Variants in ERG observed in about 807,000 individuals in gnomAD.
ERG encodes ETS transcription factor ERG.
Under a neutral mutation model 55.3 loss-of-function variants are expected in ERG, and 9 were observed. The observed-to-expected ratio is 0.16, with a 90% CI of 0.10 to 0.28. The LOEUF is 0.28. Ranked by LOEUF, ERG falls within the 10% of genes least tolerant of loss-of-function variation. The pLI is 1.00. For missense variants in ERG, 434 were observed against 631.6 expected (o/e 0.69, Z 3.35); for synonymous variants, 223 against 237.3 (o/e 0.94, Z 0.55).
downstream of ERG, among the ~76,000 whole-genome samples, chr21:38,378,260 A>G (rs1256337709): frequency 6.6e-6 from 1 of 152,232 alleles, no homozygotes; most frequent in African/African-American, 2.4e-5. Flanking sequence ...TGGACCGAAG[A>G]AGACCTAAAT....
At chr21:38,511,909 T>C (rs2059514729) in intron 2 of ERG, among the ~76,000 whole-genome samples, 2 of 152,202 alleles carry the variant, frequency 1.3e-5, no homozygotes, top group African/African-American at 4.8e-5. Flanking sequence ...TCTTTAGACA[T>C]GGCCAACTGT....
At chr21:38,436,939 G>C (rs1447128475) in intron 2 of ERG, among the ~76,000 whole-genome samples, 1 of 148,774 alleles carries the variant, frequency 6.7e-6, no homozygotes, top group African/African-American at 2.5e-5. Context: ...TGTCACTGGA[G>C]TGCAGTGCCG....
At chr21:38,618,805 T>C (rs16996585) in intron 1 of ERG, among the ~76,000 whole-genome samples, 11,802 of 152,238 alleles carry the variant, frequency 0.078, 906 homozygotes, top group African/African-American at 0.21. Flanking sequence ...ACTAGCAGTG[T>C]GACATTGCTC....
intron 1 of ERG, among the ~76,000 whole-genome samples, chr21:38,582,631 C>T (rs1451017358): frequency 6.6e-6 from 1 of 152,140 alleles, no homozygotes; most frequent in Non-Finnish European, 1.5e-5. Context: ...AATTATGCCT[C>T]AGAAAGAAAA....
At chr21:38,484,875 T>C (rs1461606974) in intron 1 of ERG, among the ~76,000 whole-genome samples, 1 of 152,214 alleles carries the variant, frequency 6.6e-6, no homozygotes, top group African/African-American at 2.4e-5. Flanking sequence ...TTGCCAGTTG[T>C]ATAAAGTATA....
intron 1 of ERG, chr21:38,451,309 C>T (rs752929018): frequency 2.2e-5 from 10 of 446,234 alleles, no homozygotes; most frequent in African/African-American, 4.0e-5. Context: ...TAGCAATGGG[C>T]CCTGCATACA....
intron 1 of ERG, among the ~76,000 whole-genome samples, chr21:38,494,237 C>A (rs1379077285): frequency 1.3e-5 from 2 of 152,142 alleles, no homozygotes; most frequent in Non-Finnish European, 2.9e-5. Context: ...AAGGAGGGGA[C>A]AAGAAGGCTC....
chr21:38,606,065 TAGAG>T (rs146994753), intron 1 of ERG, among the ~76,000 whole-genome samples: 28,652 of 151,648 alleles, frequency 0.19, 3,386 homozygotes, highest in Non-Finnish European at 0.27. Context: ...TGATAAATGA[TAGAG>T]AGAGAGATGA....
intron 2 of ERG, among the ~76,000 whole-genome samples, chr21:38,560,288 C>G (rs1380557460): frequency 6.6e-6 from 1 of 152,136 alleles, no homozygotes; most frequent in Non-Finnish European, 1.5e-5. Flanking sequence ...CTATGGCAGC[C>G]CCAGAGGTGT....
At chr21:38,626,254 A>G (rs1302486657) in intron 1 of ERG, among the ~76,000 whole-genome samples, 1 of 152,168 alleles carries the variant, frequency 6.6e-6, no homozygotes, top group Non-Finnish European at 1.5e-5. Flanking sequence ...TGATAATAAT[A>G]TTCAGTGTGG....
At chr21:38,368,381 A>T in the ERG span, among the ~76,000 whole-genome samples, 1 of 138,004 alleles carries the variant, frequency 7.2e-6, no homozygotes, top group African/African-American at 2.8e-5. Context: ...TGCGACAGTG[A>T]GTTTGTTAGT....
downstream of ERG, among the ~76,000 whole-genome samples, chr21:38,378,403 C>G (rs143421130): frequency 5.3e-5 from 8 of 152,348 alleles, no homozygotes; most frequent in East Asian, 1.5e-3. Context: ...TTCTAAAAAG[C>G]TTTCTCTTGA....
upstream of ERG, among the ~76,000 whole-genome samples, chr21:38,501,002 G>T (rs1436735698): frequency 6.7e-6 from 1 of 149,478 alleles, no homozygotes; most frequent in Middle Eastern, 3.3e-3. Flanking sequence ...GGTAATCTCT[G>T]ACTATTTAAT....
chr21:38,586,176 AATATATATATATATATAT>A (rs56413525), upstream of ERG, among the ~76,000 whole-genome samples: 235 of 128,576 alleles, frequency 1.8e-3, 1 homozygote, highest in Middle Eastern at 4.3e-3. Context: ...TATGTTTTGA[AATATATATATATATATAT>A]ATATATATAT....
intron 9 of ERG, among the ~76,000 whole-genome samples, chr21:38,385,780 T>G (rs1371263025): frequency 6.6e-6 from 1 of 152,178 alleles, no homozygotes; most frequent in Non-Finnish European, 1.5e-5. Context: ...AAGAATGGTA[T>G]GAGAAAACCA....
chr21:38,467,304 T>C (rs1026836114), intron 1 of ERG, among the ~76,000 whole-genome samples: 4 of 152,166 alleles, frequency 2.6e-5, no homozygotes, highest in African/African-American at 4.8e-5. Context: ...TGACCTGATA[T>C]TCTTGCACTG....
At chr21:38,423,353 G>A (rs1338971949) in intron 3 of ERG, 57 bp downstream of exon 3, 2 of 1,562,510 alleles carry the variant, frequency 1.3e-6, no homozygotes, top group East Asian at 2.3e-5. Context: ...CTGAGGCTCA[G>A]CCTAGCCTTG....
intron 1 of ERG, among the ~76,000 whole-genome samples, chr21:38,609,738 A>G (rs1233993850): frequency 6.6e-6 from 1 of 152,282 alleles, no homozygotes; most frequent in Non-Finnish European, 1.5e-5. Context: ...GCAAAGAGAA[A>G]GCAGAGTCAC....
At chr21:38,423,190 T>C (rs1268762826) in intron 3 of ERG, among the ~76,000 whole-genome samples, 1 of 152,098 alleles carries the variant, frequency 6.6e-6, no homozygotes, top group Non-Finnish European at 1.5e-5. Context: ...ATTTTTTAAA[T>C]ATTTGTATTT....
Sources: gnomAD v4.1 joint callset for allele counts (sites outside exome capture counted in the v4.1 genomes callset) on GRCh38, gnomAD v4.1.1 for gene constraint, MANE v1.5 for transcripts, NCBI Gene and HGNC (gene_info 2026-07-23, HGNC 2026-07-21) for gene names.